C8orf74: variants seen among roughly 807,000 people sequenced by gnomAD.
C8orf74 encodes the protein chromosome 8 open reading frame 74.
C8orf74 carries 29 observed loss-of-function variants against 22.2 expected under a neutral mutation model. That is an observed-to-expected ratio of 1.31 (90% CI 0.97 to 1.78). The LOEUF (loss-of-function observed/expected upper bound fraction) is 1.78. Among genes scored for constraint, C8orf74 ranks in the 40% most tolerant of loss-of-function variants. The probability of loss-of-function intolerance (pLI) is 0.00; values close to 1 mark genes in which losing one functional copy is unlikely to be tolerated. For synonymous variants in C8orf74, 255 were observed against 163.1 expected (o/e 1.56, Z -4.30); for missense variants, 515 against 369.9 (o/e 1.39, Z -3.22).
At chr8:10,696,908 C>T (rs1359126768) in intron 2 of C8orf74, among the ~76,000 whole-genome samples, 2 of 150,020 alleles carry the variant, frequency 1.3e-5, no homozygotes, top group East Asian at 3.9e-4. Context: ...TCTTGTAATC[C>T]CAGCACTTTG....
At chr8:10,686,542 C>G (rs1204693529) in intron 2 of C8orf74, 1 of 152,576 alleles carries the variant, frequency 6.6e-6, no homozygotes, top group African/African-American at 2.4e-5. Flanking sequence ...CACCCACATG[C>G]TTTTCAGTAC....
intron 2 of C8orf74, among the ~76,000 whole-genome samples, chr8:10,684,847 T>G (rs1799227746): frequency 6.6e-6 from 1 of 152,244 alleles, no homozygotes; most frequent in Admixed American, 6.5e-5. Context: ...GCATCACCAC[T>G]GTTGCCCTTT....
intron 3 of C8orf74, among the ~76,000 whole-genome samples, chr8:10,698,919 AC>A (rs1799592069): frequency 6.6e-6 from 1 of 150,954 alleles, no homozygotes; most frequent in African/African-American, 2.4e-5. Context: ...ACACACACAC[AC>A]ACACACACAC....
intron 3 of C8orf74, among the ~76,000 whole-genome samples, chr8:10,698,444 G>T (rs983818763): frequency 6.6e-6 from 1 of 152,140 alleles, no homozygotes; most frequent in Non-Finnish European, 1.5e-5. Flanking sequence ...GGGACATGGG[G>T]ACAGCTTGGG....
At chr8:10,689,555 T>C (rs1799330828) in intron 2 of C8orf74, 1 of 152,198 alleles carries the variant, frequency 6.6e-6, no homozygotes, top group African/African-American at 2.4e-5. Flanking sequence ...AGGTGACTCT[T>C]GAAGAACACG....
At chr8:10,678,761 G>A (rs904312152) in intron 2 of C8orf74, among the ~76,000 whole-genome samples, 15 of 152,128 alleles carry the variant, frequency 9.9e-5, no homozygotes, top group African/African-American at 3.1e-4. Flanking sequence ...AGTAGGCAGC[G>A]GAGTGCAGCC....
rs111287733 is a variant in C8orf74, at chr8:10,687,563, G to A, written c.242-10036G>A. ...GGAGGCGGAGGTTGCAGTCAGCTGAGTAAGATCGCTCCACTGCAATCCAGC... is the reference window on the plus strand; with the variant it reads ...GGAGGCGGAGGTTGCAGTCAGCTGAATAAGATCGCTCCACTGCAATCCAGC... On this transcript the variant is annotated intron_variant, in intron 2 of 3. Coordinates refer to ENST00000304519, the MANE Select transcript of C8orf74 (RefSeq NM_001040032.2). Among the ~76,000 whole-genome samples the A allele has an allele frequency of 5.8e-3, 783 of 134,504 alleles. 2 individuals carry two copies. Among genetic ancestry groups the A allele is most frequent in the African/African-American group, 0.022 (749 of 34,330 alleles). 88.2% of individuals were successfully genotyped at this position (134,504 alleles called of 152,430 possible).
At chr8:10,697,040 T>C (rs73532620) in intron 2 of C8orf74, among the ~76,000 whole-genome samples, 10,540 of 151,548 alleles carry the variant, frequency 0.07, 1,156 homozygotes, top group African/African-American at 0.23. Context: ...ATGATTATAC[T>C]GGGGTAATCA....
chr8:10,679,459 C>A (rs1040996578), intron 2 of C8orf74, among the ~76,000 whole-genome samples: 1 of 152,204 alleles, frequency 6.6e-6, no homozygotes, highest in Non-Finnish European at 1.5e-5. Context: ...CCAGCCCTAA[C>A]CTTGATCTTC....
intron 2 of C8orf74, chr8:10,687,271 G>T: frequency 2.7e-6 from 1 of 368,016 alleles, no homozygotes; most frequent in South Asian, 2.0e-5. Flanking sequence ...CTATTTTACA[G>T]GTAAGAACAC....
intron 2 of C8orf74, among the ~76,000 whole-genome samples, chr8:10,678,335 T>C (rs534361412): frequency 6.6e-6 from 1 of 152,334 alleles, no homozygotes; most frequent in South Asian, 2.1e-4. Context: ...GCCCACAGCA[T>C]GGTGCTCGGT....
chr8:10,674,808 T>G lies in C8orf74; in HGVS notation c.211T>G (p.Phe71Val). The G allele has an allele frequency of 1.9e-6, 3 of 1,605,116 alleles. No homozygotes were observed. The highest frequency in any genetic ancestry group is 2.6e-6 in the Non-Finnish European group (3 of 1,175,966). ...GGTGGAGGTGGCCCAGGTGGTCAAG[T>G]TCACAGAAGAGCTGCTAAGGGAAAC... Reference protein sequence around the residue: ...PWVEVAQVVKFTEELLRETKG... With the variant: ...PWVEVAQVVKVTEELLRETKG... Residue 71 changes from phenylalanine (F) to valine (V), a missense_variant, in exon 2 of 4, where the codon TTC becomes GTC. By Grantham distance (50) the Phe-to-Val change is conservative (BLOSUM62 -1). Transcript: ENST00000304519.
chr8:10,691,142 G>A (rs1295079649), intron 2 of C8orf74: 1 of 353,716 alleles, frequency 2.8e-6, no homozygotes. Flanking sequence ...CCAGCCAAGA[G>A]TGTCTGGGGG....
chr8:10,694,970 G>T (rs370380507), intron 2 of C8orf74, among the ~76,000 whole-genome samples: 8 of 151,906 alleles, frequency 5.3e-5, no homozygotes, highest in Non-Finnish European at 1.0e-4. Context: ...AAGGATGGAC[G>T]GATGGATGGA....
At chr8:10,695,103 G>A (rs900531788) in intron 2 of C8orf74, among the ~76,000 whole-genome samples, 1 of 151,948 alleles carries the variant, frequency 6.6e-6, no homozygotes, top group Non-Finnish European at 1.5e-5. Flanking sequence ...GGGAGGGGAA[G>A]GGGAATGGAG....
Position 10,700,351 on chromosome 8 carries a change from G to C in C8orf74, c.765G>C (p.Lys255Asn), listed in dbSNP as rs1799628823. Reference sequence around the variant, plus strand: ...TCTTGGACCTGAAGCTTCAGAAGAAGACTCTGAACCTCAACGCCCCCACCC... The same window carrying C: ...TCTTGGACCTGAAGCTTCAGAAGAACACTCTGAACCTCAACGCCCCCACCC... ...FAILDLKLQKKTLNLNAPTPI... is the reference protein window; with the variant it reads ...FAILDLKLQKNTLNLNAPTPI... Residue 255 changes from lysine (K) to asparagine (N), a missense_variant, in exon 4 of 4, where the codon AAG (lysine) becomes AAC (asparagine). Coordinates refer to ENST00000304519, the MANE Select transcript of C8orf74 (RefSeq NM_001040032.2). 1 of 1,613,720 alleles carries C rather than the reference G, an allele frequency of 6.2e-7. No homozygotes were observed. Among genetic ancestry groups the C allele is most frequent in the Non-Finnish European group, 8.5e-7 (1 of 1,179,716 alleles).
At chr8:10,693,129 G>A (rs555632350) in intron 2 of C8orf74, among the ~76,000 whole-genome samples, 1 of 152,280 alleles carries the variant, frequency 6.6e-6, no homozygotes, top group Non-Finnish European at 1.5e-5. Context: ...TCTCCAGCCA[G>A]GCAGCTCCTT....
chr8:10,695,917 C>T (rs938489936), intron 2 of C8orf74, among the ~76,000 whole-genome samples: 19 of 152,236 alleles, frequency 1.2e-4, no homozygotes, highest in African/African-American at 4.3e-4. Flanking sequence ...ATCTGGTGGG[C>T]GCCTGGCCCA....
intron 2 of C8orf74, chr8:10,690,745 C>G: frequency 2.5e-6 from 1 of 404,562 alleles, no homozygotes; most frequent in Non-Finnish European, 5.1e-6. Flanking sequence ...CACCGGAGCC[C>G]CCTGGTCCGA....
Sources: allele counts gnomAD v4.1 joint callset (sites outside exome capture counted in the v4.1 genomes callset), GRCh38; gene constraint gnomAD v4.1.1; transcripts MANE v1.5; gene names NCBI Gene and HGNC (gene_info 2026-07-23, HGNC 2026-07-21).